Variants in HLCS observed in about 807,000 individuals in gnomAD.
HLCS encodes the protein biotin--protein ligase.
Under a neutral mutation model 75.0 loss-of-function variants are expected in HLCS, and 53 were observed. The ratio of observed to expected loss-of-function variants is 0.71; its 90% CI spans 0.57 to 0.89. The LOEUF (loss-of-function observed/expected upper bound fraction) is 0.89. Among genes scored for constraint, HLCS ranks in the 40% least tolerant of loss-of-function variants. HLCS has a pLI of 0.00. For synonymous variants in HLCS, 431 were observed against 428.6 expected, an observed-to-expected ratio of 1.01 and a Z score of -0.07; for missense variants, 966 against 1,074.0, an observed-to-expected ratio of 0.90 and a Z score of 1.41.
chr21:36,938,965 T>C lies in HLCS; in HGVS notation c.360A>G (p.Pro120=), dbSNP rs2067019184. Residue 120 remains proline (P), a synonymous_variant, in exon 3 of 11, where the codon CCA becomes CCG. Transcript: ENST00000674895. ...TIVKWSDCCL[P]LACRPGDPYR... ...AAGGATCCCCAGGTCTGCAAGCTAA[T>C]GGCAAACAACAGTCTGACCACTTGA... The C allele has an allele frequency of 1.2e-6, 2 of 1,610,904 alleles. No homozygotes were observed. The highest frequency in any genetic ancestry group is 3.3e-5 in the Admixed American group (2 of 59,998).
chr21:36,854,747 A>G (rs929224788), intron 6 of HLCS, among the ~76,000 whole-genome samples: 1 of 152,228 alleles, frequency 6.6e-6, no homozygotes, highest in African/African-American at 2.4e-5. Context: ...GATGTCTTGC[A>G]ACACACAAGG....
intron 6 of HLCS, among the ~76,000 whole-genome samples, chr21:36,886,338 CAGA>C (rs1380495769): frequency 6.8e-6 from 1 of 146,856 alleles, no homozygotes; most frequent in Non-Finnish European, 1.5e-5. Flanking sequence ...GAGGCTGAGG[CAGA>C]AGAATGGCGT....
At chr21:36,809,725 T>A (rs2061457630) in intron 6 of HLCS, among the ~76,000 whole-genome samples, 2 of 152,174 alleles carry the variant, frequency 1.3e-5, no homozygotes. Context: ...TCATGTTATT[T>A]CATTTAGGAT....
At chr21:36,988,842 G>A (rs757959334) in intron 1 of HLCS, among the ~76,000 whole-genome samples, 4 of 152,106 alleles carry the variant, frequency 2.6e-5, no homozygotes, top group Non-Finnish European at 5.9e-5. Flanking sequence ...TTTTTGTGCA[G>A]ATTGTCAGTT....
At chr21:36,901,488 T>C (rs1340665713) in intron 5 of HLCS, among the ~76,000 whole-genome samples, 3 of 152,210 alleles carry the variant, frequency 2.0e-5, no homozygotes, top group Non-Finnish European at 2.9e-5. Context: ...TGGCTTGAGA[T>C]GCCAGAAATC....
chr21:36,944,709 C>T lies in HLCS; in HGVS notation c.331-5715G>A, dbSNP rs117807423. On this transcript the variant is annotated intron_variant, in intron 2 of 10. Transcript: ENST00000674895. Reference sequence around the variant, plus strand: ...ATGTTTCTAAATCCTGTTTTTGGGTCACCTCCCTCCATCATCATACTTGAA... The same window carrying T: ...ATGTTTCTAAATCCTGTTTTTGGGTTACCTCCCTCCATCATCATACTTGAA... 3.2e-4 allele frequency among the ~76,000 whole-genome samples: 48 copies of T among 152,222 alleles called. No homozygotes were observed. In the East Asian group the frequency reaches 9.1e-3, roughly 29 times the overall value.
At chr21:36,814,035 G>A (rs1273776654) in intron 6 of HLCS, among the ~76,000 whole-genome samples, 1 of 152,152 alleles carries the variant, frequency 6.6e-6, no homozygotes, top group African/African-American at 2.4e-5. Context: ...CTAGGTCAGT[G>A]TGGGTTTCCC....
At chr21:36,982,886 A>G (rs112817264) in intron 1 of HLCS, among the ~76,000 whole-genome samples, 17,667 of 152,122 alleles carry the variant, frequency 0.12, 1,684 homozygotes, top group African/African-American at 0.26. Context: ...AAAATTAGCC[A>G]GCCATGGTGG....
At chr21:36,853,450 G>A (rs935874436) in intron 6 of HLCS, among the ~76,000 whole-genome samples, 8 of 152,084 alleles carry the variant, frequency 5.3e-5, no homozygotes, top group Non-Finnish European at 8.8e-5. Context: ...TGCAGATCAA[G>A]GTTTTTATAA....
At chr21:36,799,923 T>C (rs536213010) in intron 6 of HLCS, among the ~76,000 whole-genome samples, 2 of 152,340 alleles carry the variant, frequency 1.3e-5, no homozygotes, top group South Asian at 4.1e-4. Context: ...CATAGGGTTG[T>C]TTGTGGACAA....
chr21:36,816,633 G>A (rs2061672960), intron 6 of HLCS, among the ~76,000 whole-genome samples: 1 of 152,172 alleles, frequency 6.6e-6, no homozygotes, highest in Admixed American at 6.5e-5. Context: ...TAGTAATCAA[G>A]CTAAGCCTCT....
chr21:36,910,924 G>A (rs951554738), intron 5 of HLCS, among the ~76,000 whole-genome samples: 6 of 152,014 alleles, frequency 3.9e-5, no homozygotes, highest in African/African-American at 4.8e-5. Flanking sequence ...ACACAAAAGC[G>A]AACGGCTCTG....
At chr21:36,839,090 G>A (rs527382547) in intron 6 of HLCS, among the ~76,000 whole-genome samples, 6 of 152,320 alleles carry the variant, frequency 3.9e-5, no homozygotes, top group South Asian at 4.1e-4. Flanking sequence ...CCAACCTCCC[G>A]TCTTTAGAGC....
At chr21:36,805,060 C>A (rs571302579) in intron 6 of HLCS, among the ~76,000 whole-genome samples, 1 of 152,260 alleles carries the variant, frequency 6.6e-6, no homozygotes, top group African/African-American at 2.4e-5. Flanking sequence ...GCTACAAAAT[C>A]GGTGAAGGAT....
rs147600075 is a variant in HLCS, at chr21:36,765,417, G to C, written c.1961-245C>G. Reference sequence around the variant, plus strand: ...TCTGTGAGCATATCATTTGTGCCTTGATGACTCAGAGTCTTACAGCGTCTG... The same window carrying C: ...TCTGTGAGCATATCATTTGTGCCTTCATGACTCAGAGTCTTACAGCGTCTG... On this transcript the variant is annotated intron_variant, in intron 7 of 10. Coordinates refer to ENST00000674895, the MANE Select transcript of HLCS (RefSeq NM_001352514.2). 1.2e-4 allele frequency among the ~76,000 whole-genome samples: 19 copies of C among 152,298 alleles called. No homozygotes were observed. In the East Asian group the frequency reaches 3.7e-3, roughly 29 times the overall value.
chr21:36,957,736 C>T (rs4817832), intron 2 of HLCS, among the ~76,000 whole-genome samples: 92,292 of 151,160 alleles, frequency 0.61, 28,444 homozygotes, highest in East Asian at 0.75. Flanking sequence ...GAAATCATCC[C>T]GACTAACATG....
intron 1 of HLCS, among the ~76,000 whole-genome samples, chr21:36,989,681 T>G (rs58906509): frequency 0.34 from 51,323 of 151,596 alleles, 9,459 homozygotes; most frequent in African/African-American, 0.49. Flanking sequence ...TTCCGGGCAC[T>G]TAGGCGCTGG....
intron 2 of HLCS, among the ~76,000 whole-genome samples, chr21:36,960,712 G>C (rs1224820396): frequency 6.6e-6 from 1 of 152,160 alleles, no homozygotes; most frequent in East Asian, 1.9e-4. Flanking sequence ...GCTAGCATCA[G>C]CAAAATCCCC....
intron 6 of HLCS, among the ~76,000 whole-genome samples, chr21:36,888,502 T>G (rs1454281944): frequency 1.5e-5 from 2 of 134,418 alleles, no homozygotes; most frequent in African/African-American, 2.9e-5. Flanking sequence ...ATATATTTAT[T>G]TATTTATTTT....
Sources: gnomAD v4.1 joint callset for allele counts (sites outside exome capture counted in the v4.1 genomes callset) on GRCh38, gnomAD v4.1.1 for gene constraint, MANE v1.5 for transcripts, NCBI Gene and HGNC (gene_info 2026-07-23, HGNC 2026-07-21) for gene names.